Variants in PFKL observed in about 807,000 individuals in gnomAD.
The protein encoded by PFKL is ATP-dependent 6-phosphofructokinase, liver type.
PFKL carries 74 observed loss-of-function variants against 92.1 expected under a neutral mutation model. The observed-to-expected ratio is 0.80, with a 90% CI of 0.67 to 0.97. The LOEUF (loss-of-function observed/expected upper bound fraction) is 0.97. Ranked by LOEUF, PFKL falls within the 50% of genes least tolerant of loss-of-function variation. PFKL has a pLI of 0.00. For synonymous variants in PFKL, 494 were observed against 456.4 expected (o/e 1.08, Z -1.05); for missense variants, 1,028 against 1,116.6 (o/e 0.92, Z 1.13).
In PFKL at chr21:44,313,075, C is replaced by T. The variant is rs2047096904; in HGVS notation, c.525C>T (p.Thr175=). ...ACGACTTCTGCGGCACCGACATGAC[C>T]ATCGGCACGGACTCGGCCCTCCACC... is the stretch of plus-strand genomic sequence containing the variant. ...IDNDFCGTDM[T]IGTDSALHRI... The change falls in exon 5 of 22, where the codon ACC becomes ACT. Residue 175 remains threonine (T), a synonymous_variant. Coordinates refer to ENST00000349048, the MANE Select transcript of PFKL (RefSeq NM_002626.6). 1 of 1,613,200 alleles carries T rather than the reference C, an allele frequency of 6.2e-7. No homozygotes were observed. Among genetic ancestry groups the T allele is most frequent in the Non-Finnish European group, 8.5e-7 (1 of 1,179,950 alleles).
In PFKL at chr21:44,326,839, C is replaced by T. The variant is rs1354551519; in HGVS notation, c.2320C>T (p.Leu774=). The change falls in exon 22 of 22, where the codon CTG becomes TTG. Residue 774 remains leucine (L), a synonymous_variant. Transcript: ENST00000349048. ...GCTGGAGCACGTGACCCGCCGCACC[C>T]TGAGCATGGACAAGGGCTTCTGAGG... The part of the protein sequence containing the change: ...GELEHVTRRT[L]SMDKGF 1 of 1,610,170 alleles carries T rather than the reference C, an allele frequency of 6.2e-7. No homozygotes were observed. The highest frequency in any genetic ancestry group is 1.7e-5 in the Admixed American group (1 of 59,832).
chr21:44,321,817 C>T lies in PFKL; in HGVS notation c.1280C>T (p.Ser427Phe). ...CGCTCGGCGGTGCGGACCGGCATCT[C>T]CCATGGACACACAGTATACGTGGTG... ...AVRSAVRTGI[S>F]HGHTVYVVHD... The change falls in exon 13 of 22, where the codon TCC becomes TTC. Residue 427 changes from serine (S) to phenylalanine (F), a missense_variant. Coordinates refer to ENST00000349048, the MANE Select transcript of PFKL (RefSeq NM_002626.6). 6.2e-7 allele frequency: 1 copy of T among 1,602,294 alleles called. No individual in the cohort carries two copies. The highest frequency in any genetic ancestry group is 2.3e-5 in the East Asian group (1 of 44,418).
chr21:44,315,218 G>C (rs1264944454), intron 7 of PFKL: 5 of 152,344 alleles, frequency 3.3e-5, no homozygotes, highest in Non-Finnish European at 5.9e-5. Flanking sequence ...GCTTATGTCT[G>C]TGACTCACAT....
At chr21:44,305,399 G>C (rs2040904397) in intron 1 of PFKL, 1 of 1,363,588 alleles carries the variant, frequency 7.3e-7, no homozygotes, top group East Asian at 4.6e-5. Flanking sequence ...GCCGAGGCTT[G>C]AGCAGGAGCC....
Position 44,306,779 on chromosome 21 carries a change from G to A in PFKL, c.159+25G>A, listed in dbSNP as rs1346726788. On this transcript the variant is annotated intron_variant, in intron 2 of 21. Transcript: ENST00000349048. The stretch of plus-strand genomic sequence containing the variant: ...GGTAAGGCCAAGGTGGGCTGTGTGT[G>A]TGCAGGGAGTGGGGACCTCCTGAGG... 5.6e-6 allele frequency: 9 copies of A among 1,602,160 alleles called. No individual in the cohort carries two copies. In the East Asian group the frequency reaches 2.0e-4, roughly 36 times the overall value.
chr21:44,303,064 C>G (rs1279876669), intron 1 of PFKL, among the ~76,000 whole-genome samples: 1 of 152,046 alleles, frequency 6.6e-6, no homozygotes, highest in African/African-American at 2.4e-5. Context: ...GAAACCTCGT[C>G]TCTACTAAAA....
At chr21:44,319,324 G>A in intron 10 of PFKL, 27 bp from the exon 11 acceptor site, 1 of 1,605,662 alleles carries the variant, frequency 6.2e-7, no homozygotes, top group Non-Finnish European at 8.5e-7. Flanking sequence ...GCTCTCCATA[G>A]TCTGTGTTCT....
intron 16 of PFKL, 73 bp downstream of exon 16, chr21:44,323,991 T>C: frequency 6.4e-7 from 1 of 1,561,692 alleles, no homozygotes; most frequent in Non-Finnish European, 8.8e-7. Flanking sequence ...CGGAGGCTGC[T>C]GGAGGGGATA....
chr21:44,321,736 T>C lies in PFKL; in HGVS notation c.1199T>C (p.Phe400Ser). ...HQKPPKEKSN[F>S]SLAILNVGAP... The stretch of plus-strand genomic sequence containing the variant: ...CTCCCCTTCTCTCTGAAGTCTAACT[T>C]CTCCCTGGCCATCCTGAATGTGGGG... Residue 400 changes from phenylalanine (F) to serine (S), a missense_variant, in exon 13 of 22, where the codon TTC becomes TCC. Transcript: ENST00000349048. The C allele has an allele frequency of 6.4e-7, 1 of 1,568,686 alleles. No individual in the cohort carries two copies. The highest frequency in any genetic ancestry group is 8.6e-7 in the Non-Finnish European group (1 of 1,157,462).
intron 13 of PFKL, 43 bp downstream of exon 13, chr21:44,321,918 G>T (rs2047365815): frequency 3.3e-6 from 5 of 1,514,392 alleles, no homozygotes; most frequent in African/African-American, 1.4e-5. Context: ...TGGGCCTTCT[G>T]TGTGCACACT....
intron 7 of PFKL, chr21:44,315,955 T>C (rs2047191963): frequency 2.2e-6 from 1 of 456,952 alleles, no homozygotes; most frequent in Non-Finnish European, 4.0e-6. Context: ...CAGCTGTGTG[T>C]GTGCTGGGCC....
At chr21:44,326,576 C>A in intron 21 of PFKL, 139 bp from the exon 22 acceptor site, 1 of 1,174,858 alleles carries the variant, frequency 8.5e-7, no homozygotes, top group Non-Finnish European at 1.2e-6. Flanking sequence ...CCTGTCCCAG[C>A]TCCACGGATA....
At position 44,300,196 on chromosome 21, in the gene PFKL, CGG is replaced by C; in HGVS notation, c.85+10_85+11del. On this transcript the variant is annotated splice_region_variant and intron_variant, in intron 1 of 21. Coordinates refer to ENST00000349048, the MANE Select transcript of PFKL (RefSeq NM_002626.6). Reference sequence around the variant, plus strand: ...CAGCGGCGGCGACGCGCAAGGTGGGCGGGGGTCCCGGCCGCGTCGCGGCGCAG... The same window carrying C: ...CAGCGGCGGCGACGCGCAAGGTGGGCGGGTCCCGGCCGCGTCGCGGCGCAG... 1 of 1,096,082 alleles carries C rather than the reference CGG, an allele frequency of 9.1e-7. No homozygotes were observed. Among genetic ancestry groups the C allele is most frequent in the South Asian group, 2.9e-5 (1 of 34,008 alleles). The allele number at this position is 1,096,082 out of a possible 1,614,324, so 67.9% of individuals were successfully genotyped here. A position where few individuals can be genotyped will look rare whatever the true frequency, so the allele number is the denominator to read the frequency against.
chr21:44,312,390 TG>T, intron 4 of PFKL, 96 bp downstream of exon 4: 1 of 1,195,360 alleles, frequency 8.4e-7, no homozygotes. Context: ...GAGGGATCCC[TG>T]GGTGCCCCGA....
rs753870736 is a variant in PFKL at position 44,313,041 on chromosome 21, C to G, written c.491C>G (p.Ser164Cys). 1.2e-6 allele frequency: 2 copies of G among 1,613,180 alleles called. No homozygotes were observed. Among genetic ancestry groups the G allele is most frequent in the South Asian group, 2.2e-5 (2 of 91,080 alleles). ...CTGAACATCGCGGGCCTAGTGGGCT[C>G]CATCGATAACGACTTCTGCGGCACC... is the stretch of plus-strand genomic sequence containing the variant. ...SHLNIAGLVG[S>C]IDNDFCGTDM... The change falls in exon 5 of 22, where the codon TCC (serine) becomes TGC (cysteine). Residue 164 changes from serine (S) to cysteine (C), a missense_variant. Transcript: ENST00000349048.
chr21:44,311,469 GAC>G (rs2047046228), intron 3 of PFKL, among the ~76,000 whole-genome samples: 1 of 152,104 alleles, frequency 6.6e-6, no homozygotes, highest in Non-Finnish European at 1.5e-5. Context: ...TACACACGTA[GAC>G]ACACAGATGC....
Position 44,327,083 on chromosome 21 carries a change from C to T in PFKL, c.*221C>T. The T allele has an allele frequency of 1.7e-6, 1 of 583,308 alleles. No homozygotes were observed. Among genetic ancestry groups the T allele is most frequent in the South Asian group, 2.0e-5 (1 of 49,280 alleles). 36.1% of individuals were successfully genotyped at this position (583,308 alleles called of 1,614,324 possible). ...GGCCCTCCAGCAGGAGGACAGAGTG[C>T]CCTGGGGCATCCACCTTCCTGCCCA... is the stretch of plus-strand genomic sequence containing the variant. On this transcript the variant is annotated 3_prime_UTR_variant, in exon 22 of 22. Coordinates refer to ENST00000349048, the MANE Select transcript of PFKL (RefSeq NM_002626.6).
At chr21:44,305,409 C>T (rs756369955) in intron 1 of PFKL, 2 of 1,362,900 alleles carry the variant, frequency 1.5e-6, no homozygotes, top group Non-Finnish European at 2.0e-6. Flanking sequence ...GAGCAGGAGC[C>T]CCCAGCAGGT....
rs968233823 is a variant in PFKL at position 44,326,890 on chromosome 21, G to A, written c.*28G>A. The A allele has an allele frequency of 5.1e-6, 8 of 1,580,154 alleles. No homozygotes were observed. Among genetic ancestry groups the A allele is most frequent in the Admixed American group, 3.5e-5 (2 of 57,484 alleles). Reference sequence around the variant, plus strand: ...CCAGCCATGCCCACGCCCCTCCCCAGCCCCCACCCATGCCAGCGCAGCGCC... The same window carrying A: ...CCAGCCATGCCCACGCCCCTCCCCAACCCCCACCCATGCCAGCGCAGCGCC... On this transcript the variant is annotated 3_prime_UTR_variant, in exon 22 of 22. Transcript: ENST00000349048.
Sources: gnomAD v4.1 joint callset for allele counts (sites outside exome capture counted in the v4.1 genomes callset) on GRCh38, gnomAD v4.1.1 for gene constraint, MANE v1.5 for transcripts, NCBI Gene and HGNC (gene_info 2026-07-23, HGNC 2026-07-21) for gene names.